Variants in KCNH1 observed in about 807,000 individuals in gnomAD.
The protein encoded by KCNH1 is potassium voltage-gated channel subfamily H member 1, also known as voltage-gated delayed rectifier potassium channel KCNH1.
A neutral mutation model predicts 69.2 loss-of-function variants in KCNH1; 27 were observed. The observed-to-expected ratio is 0.39, with a 90% CI of 0.29 to 0.54. The LOEUF (loss-of-function observed/expected upper bound fraction) is 0.54. KCNH1 is among the 20% of genes least tolerant of loss of function. KCNH1 has a pLI of 0.68. For synonymous variants in KCNH1, 456 were observed against 487.7 expected (o/e 0.93, Z 0.86); for missense variants, 798 against 1,261.6 (o/e 0.63, Z 5.57).
chr1:210,961,370 T>C (rs1574363404), intron 6 of KCNH1, among the ~76,000 whole-genome samples: 2 of 152,276 alleles, frequency 1.3e-5, no homozygotes, highest in East Asian at 1.9e-4. Context: ...TATGCTTAAA[T>C]GCCCTCAAGA....
intron 7 of KCNH1, chr1:210,860,636 T>C (rs1685957749): frequency 3.8e-6 from 3 of 791,900 alleles, no homozygotes; most frequent in East Asian, 2.4e-5. Flanking sequence ...TCTGTTATAA[T>C]ATGAAGAAGA....
At chr1:211,002,244 A>C (rs770872811) in intron 6 of KCNH1, among the ~76,000 whole-genome samples, 5 of 148,414 alleles carry the variant, frequency 3.4e-5, no homozygotes, top group Non-Finnish European at 7.4e-5. Flanking sequence ...ATATATATGT[A>C]TACGTATATA....
intron 10 of KCNH1, among the ~76,000 whole-genome samples, chr1:210,742,350 C>T (rs1683051102): frequency 6.6e-6 from 1 of 152,182 alleles, no homozygotes; most frequent in African/African-American, 2.4e-5. Context: ...AGCTGGAAGT[C>T]CTGGTGCACT....
intron 10 of KCNH1, among the ~76,000 whole-genome samples, chr1:210,752,964 T>C (rs1011155185): frequency 3.9e-5 from 6 of 152,082 alleles, no homozygotes; most frequent in African/African-American, 1.2e-4. Context: ...GAAGGCCATA[T>C]GAACACAGAG....
intron 5 of KCNH1, among the ~76,000 whole-genome samples, chr1:211,081,666 G>C (rs531307648): frequency 9.2e-5 from 14 of 152,318 alleles, no homozygotes; most frequent in African/African-American, 3.4e-4. Context: ...CATGTCCTTT[G>C]CAGGGACATG....
chr1:210,775,303 A>C (rs1476919756), intron 10 of KCNH1, 45 bp downstream of exon 10: 1 of 1,541,230 alleles, frequency 6.5e-7, no homozygotes, highest in East Asian at 2.3e-5. Context: ...TCCAAAGTGT[A>C]CAGAGACTGT....
At chr1:210,992,642 T>C (rs1688957489) in intron 6 of KCNH1, among the ~76,000 whole-genome samples, 1 of 152,210 alleles carries the variant, frequency 6.6e-6, no homozygotes, top group Non-Finnish European at 1.5e-5. Context: ...GTGGCATTAT[T>C]TGCAAGGTCT....
intron 6 of KCNH1, among the ~76,000 whole-genome samples, chr1:210,921,624 G>A (rs979230179): frequency 1.3e-5 from 2 of 152,116 alleles, no homozygotes; most frequent in East Asian, 3.9e-4. Context: ...TGGTTCCTGA[G>A]GTCTAGTTCT....
At position 210,684,115 on chromosome 1, in the gene KCNH1, A is replaced by G. The variant is rs1135317; in HGVS notation, c.2136T>C (p.Asp712=). ...RKRIVFRKIS[D]VKREEEERMK... ...TGCGTTCTTCCTCTTCACGTTTCAC[A>G]TCGCTGATCTTCCGGAACACAATCT... Residue 712 remains aspartate, a synonymous_variant, in exon 11 of 11, where the codon GAT becomes GAC. Transcript: ENST00000271751. 0.71 allele frequency: 1,074,781 copies of G among 1,508,516 alleles called. 384,345 individuals are homozygous for G. The highest frequency in any genetic ancestry group is 0.83 in the Middle Eastern group (4,638 of 5,562). 93.4% of individuals were successfully genotyped at this position (1,508,516 alleles called of 1,614,324 possible). A position where few individuals can be genotyped will look rare whatever the true frequency, so the allele number is the denominator to read the frequency against.
At chr1:210,859,788 G>T in intron 7 of KCNH1, 1 of 1,017,618 alleles carries the variant, frequency 9.8e-7, no homozygotes, top group Non-Finnish European at 1.6e-6. Context: ...ACATCCTTCT[G>T]TCATGAAGCC....
At chr1:211,130,915 T>C (rs1222513747) in intron 1 of KCNH1, among the ~76,000 whole-genome samples, 1 of 152,216 alleles carries the variant, frequency 6.6e-6, no homozygotes, top group African/African-American at 2.4e-5. Context: ...ATTATTCTGT[T>C]GAGATGTGGT....
chr1:210,979,258 G>A (rs1009640805), intron 6 of KCNH1, among the ~76,000 whole-genome samples: 1 of 152,054 alleles, frequency 6.6e-6, no homozygotes, highest in African/African-American at 2.4e-5. Flanking sequence ...AAAAAACATC[G>A]GAAACTCCCA....
chr1:210,969,393 G>C (rs1688470739), intron 6 of KCNH1, among the ~76,000 whole-genome samples: 1 of 151,884 alleles, frequency 6.6e-6, no homozygotes, highest in South Asian at 2.1e-4. Context: ...TGAAAATTTG[G>C]TAGCACTCAT....
intron 10 of KCNH1, among the ~76,000 whole-genome samples, chr1:210,737,171 G>C (rs761291854): frequency 1.3e-5 from 2 of 152,180 alleles, no homozygotes; most frequent in Admixed American, 6.5e-5. Flanking sequence ...AGAGAGAAAG[G>C]GTAGTCACTG....
chr1:210,833,595 A>T (rs1327600237), intron 7 of KCNH1, among the ~76,000 whole-genome samples: 2 of 152,190 alleles, frequency 1.3e-5, no homozygotes, highest in Non-Finnish European at 2.9e-5. Context: ...AAGAAAACCT[A>T]GGCATTACCA....
chr1:211,086,926 T>G (rs568895043), intron 4 of KCNH1, among the ~76,000 whole-genome samples: 1 of 152,310 alleles, frequency 6.6e-6, no homozygotes, highest in African/African-American at 2.4e-5. Flanking sequence ...GACCACTGCC[T>G]AAGCGTCCTC....
intron 7 of KCNH1, among the ~76,000 whole-genome samples, chr1:210,893,417 C>A (rs983079136): frequency 2.6e-5 from 4 of 151,700 alleles, no homozygotes; most frequent in African/African-American, 9.7e-5. Context: ...ATATTTTTTC[C>A]TATGTTTGCT....
intron 7 of KCNH1, among the ~76,000 whole-genome samples, chr1:210,872,118 T>G (rs539265573): frequency 1.4e-4 from 18 of 125,780 alleles, no homozygotes; most frequent in African/African-American, 5.2e-4. Flanking sequence ...AGAAAAACAT[T>G]CAGTGGAAAA....
chr1:210,745,127 G>A (rs1243781814), intron 10 of KCNH1, among the ~76,000 whole-genome samples: 1 of 152,184 alleles, frequency 6.6e-6, no homozygotes, highest in South Asian at 2.1e-4. Context: ...TCGCTTGAAC[G>A]TGGGAGGCAG....
Sources: allele counts gnomAD v4.1 joint callset (sites outside exome capture counted in the v4.1 genomes callset), GRCh38; gene constraint gnomAD v4.1.1; transcripts MANE v1.5; gene names NCBI Gene and HGNC (gene_info 2026-07-23, HGNC 2026-07-21).